ROBO2: variants seen among roughly 807,000 people sequenced by gnomAD.
ROBO2 encodes the protein roundabout guidance receptor 2.
In ROBO2, 53 loss-of-function variants were observed where a neutral mutation model predicts 160.8. That is an observed-to-expected ratio of 0.33 (90% CI 0.26 to 0.41). The LOEUF (loss-of-function observed/expected upper bound fraction) is 0.41, where lower values mean the gene tolerates loss of function less well. Among genes scored for constraint, ROBO2 ranks in the 10% least tolerant of loss-of-function variants. The probability of loss-of-function intolerance (pLI) is 1.00; values close to 1 mark genes in which losing one functional copy is unlikely to be tolerated. For synonymous variants in ROBO2, 664 were observed against 611.7 expected, an observed-to-expected ratio of 1.09 and a Z score of -1.26; for missense variants, 1,577 against 1,722.4, an observed-to-expected ratio of 0.92 and a Z score of 1.49.
intron 2 of ROBO2, among the ~76,000 whole-genome samples, chr3:77,451,812 T>A (rs114481079): frequency 0.027 from 4,094 of 152,008 alleles, 88 homozygotes; most frequent in East Asian, 0.077. Context: ...CTCGGGTACA[T>A]GTGCACAATG....
intron 2 of ROBO2, among the ~76,000 whole-genome samples, chr3:77,124,631 T>G (rs564542911): frequency 4.3e-4 from 65 of 152,208 alleles, no homozygotes; most frequent in African/African-American, 1.5e-3. Context: ...AGGAAAAACT[T>G]GAGGGGTCTG....
At chr3:76,341,418 G>GT (rs1188673672) in intron 2 of ROBO2, among the ~76,000 whole-genome samples, 2 of 68,410 alleles carry the variant, frequency 2.9e-5, no homozygotes, top group Non-Finnish European at 2.8e-5. Context: ...TTTTTAAAGC[G>GT]TAAAAAAAAA....
At chr3:77,270,788 CA>C (rs1181550037) in intron 2 of ROBO2, among the ~76,000 whole-genome samples, 1 of 152,058 alleles carries the variant, frequency 6.6e-6, no homozygotes, top group Non-Finnish European at 1.5e-5. Context: ...ACTAAAAACA[CA>C]AAAAGTAGCT....
At chr3:76,526,898 G>A (rs896417924) in intron 2 of ROBO2, among the ~76,000 whole-genome samples, 1 of 152,030 alleles carries the variant, frequency 6.6e-6, no homozygotes, top group Non-Finnish European at 1.5e-5. Flanking sequence ...TGCAATCAGT[G>A]ATTTTGCAAT....
At chr3:77,195,335 T>C (rs2082218558) in intron 2 of ROBO2, among the ~76,000 whole-genome samples, 1 of 152,152 alleles carries the variant, frequency 6.6e-6, no homozygotes, top group African/African-American at 2.4e-5. Context: ...ATCAATGAAA[T>C]ATTAAGCAGT....
chr3:76,279,452 C>T (rs1708115417), intron 2 of ROBO2, among the ~76,000 whole-genome samples: 1 of 151,816 alleles, frequency 6.6e-6, no homozygotes, highest in Non-Finnish European at 1.5e-5. Flanking sequence ...AATATTCTAC[C>T]ACTATGGCAA....
chr3:76,634,578 A>G (rs1237823731), intron 2 of ROBO2, among the ~76,000 whole-genome samples: 1 of 150,668 alleles, frequency 6.6e-6, no homozygotes, highest in Non-Finnish European at 1.5e-5. Flanking sequence ...AAAGAGAAAA[A>G]AAAAAAAAGG....
chr3:77,166,762 G>A (rs1480456869), intron 2 of ROBO2, among the ~76,000 whole-genome samples: 5 of 151,870 alleles, frequency 3.3e-5, no homozygotes, highest in Admixed American at 6.6e-5. Flanking sequence ...GTGTTTCACC[G>A]GTTAGCCAGG....
intron 7 of ROBO2, among the ~76,000 whole-genome samples, chr3:77,549,372 T>A (rs2092827625): frequency 6.6e-6 from 1 of 152,004 alleles, no homozygotes; most frequent in Non-Finnish European, 1.5e-5. Flanking sequence ...TTAGACTCTC[T>A]CTTTTAGCTC....
intron 2 of ROBO2, among the ~76,000 whole-genome samples, chr3:76,663,829 G>A (rs558534974): frequency 1.1e-4 from 16 of 152,058 alleles, no homozygotes; most frequent in African/African-American, 3.4e-4. Flanking sequence ...GCTTGAACCC[G>A]GGAGGCGGAG....
At chr3:77,246,186 G>T (rs535156566) in intron 2 of ROBO2, among the ~76,000 whole-genome samples, 142 of 152,260 alleles carry the variant, frequency 9.3e-4, no homozygotes, top group Non-Finnish European at 1.7e-3. Flanking sequence ...AAAAGGAATA[G>T]TAAATCTAAG....
intron 2 of ROBO2, among the ~76,000 whole-genome samples, chr3:76,110,541 A>G (rs944551093): frequency 6.6e-6 from 1 of 152,276 alleles, no homozygotes; most frequent in Admixed American, 6.5e-5. Context: ...GATGGAAAAT[A>G]ATGGCACTGA....
intron 2 of ROBO2, among the ~76,000 whole-genome samples, chr3:76,968,237 A>G (rs1460654819): frequency 6.6e-6 from 1 of 152,160 alleles, no homozygotes; most frequent in African/African-American, 2.4e-5. Context: ...TATGAGGCAT[A>G]TTGTTTTATA....
intron 2 of ROBO2, among the ~76,000 whole-genome samples, chr3:76,248,851 G>A (rs1439950353): frequency 2.0e-5 from 3 of 151,958 alleles, no homozygotes; most frequent in African/African-American, 7.2e-5. Flanking sequence ...GACCTATGCT[G>A]TTTAGTAAAG....
chr3:76,493,938 T>C (rs1365153340), intron 2 of ROBO2, among the ~76,000 whole-genome samples: 1 of 152,170 alleles, frequency 6.6e-6, no homozygotes, highest in Middle Eastern at 3.2e-3. Context: ...AACACAAAAT[T>C]GAGGGGAAAT....
At chr3:76,086,180 A>G (rs568578665) in intron 2 of ROBO2, among the ~76,000 whole-genome samples, 6 of 152,130 alleles carry the variant, frequency 3.9e-5, no homozygotes, top group African/African-American at 9.7e-5. Flanking sequence ...GAAACTTACA[A>G]TCTTGGTGGA....
At chr3:76,541,147 T>TA (rs898282425) in intron 2 of ROBO2, among the ~76,000 whole-genome samples, 4 of 152,358 alleles carry the variant, frequency 2.6e-5, no homozygotes, top group Non-Finnish European at 1.5e-5. Context: ...AATTAAACGT[T>TA]AGTCCTCCTC....
intron 2 of ROBO2, among the ~76,000 whole-genome samples, chr3:76,558,718 C>G (rs1384647147): frequency 6.6e-6 from 1 of 151,992 alleles, no homozygotes; most frequent in Non-Finnish European, 1.5e-5. Context: ...CAAACAATAA[C>G]TGTAAGATGA....
intron 2 of ROBO2, among the ~76,000 whole-genome samples, chr3:77,451,281 C>G (rs1421019620): frequency 3.3e-5 from 5 of 152,120 alleles, no homozygotes. Flanking sequence ...AAAATGATCC[C>G]TATCCATATA....
Sources: gnomAD v4.1 joint callset for allele counts (sites outside exome capture counted in the v4.1 genomes callset) on GRCh38, gnomAD v4.1.1 for gene constraint, MANE v1.5 for transcripts, NCBI Gene and HGNC (gene_info 2026-07-23, HGNC 2026-07-21) for gene names.